ZNF397: variants seen among roughly 807,000 people sequenced by gnomAD.
ZNF397 encodes zinc finger protein 397, also known as zinc finger and SCAN domain-containing protein 15.
ZNF397 carries 38 observed loss-of-function variants against 50.6 expected under a neutral mutation model. The ratio of observed to expected loss-of-function variants is 0.75; its 90% CI spans 0.58 to 0.98. The LOEUF (loss-of-function observed/expected upper bound fraction) is 0.98, where lower values mean the gene tolerates loss of function less well. ZNF397 is among the 50% of genes least tolerant of loss of function. The probability of loss-of-function intolerance (pLI) is 0.00; values close to 1 mark genes in which losing one functional copy is unlikely to be tolerated. For missense variants in ZNF397, 624 were observed against 624.1 expected (o/e 1.00, Z 0.00); for synonymous variants, 228 against 215.2 (o/e 1.06, Z -0.52).
At chr18:35,257,343 A>G (rs142793745) in intron 5 of ZNF397, 1 of 152,876 alleles carries the variant, frequency 6.5e-6, no homozygotes, top group African/African-American at 2.4e-5. Context: ...GGCTCCTCCA[A>G]TGATGTGAAT....
At chr18:35,258,011 G>A (rs2043899026) in exon 6 of ZNF397, 1 of 780,796 alleles carries the variant, frequency 1.3e-6, no homozygotes, top group South Asian at 1.3e-5. Context: ...GGCATATCAT[G>A]AGGCTAGTGA....
rs2043496097 is a variant in ZNF397, at chr18:35,247,180, C to T, written c.*870C>T. The T allele has an allele frequency of 5.1e-6, 5 of 985,420 alleles. No individual in the cohort carries two copies. The highest frequency in any genetic ancestry group is 6.0e-6 in the Non-Finnish European group (5 of 829,958). The allele number at this position is 985,420 out of a possible 1,614,324, so 61.0% of individuals were successfully genotyped here. On this transcript the variant is annotated 3_prime_UTR_variant, in exon 4 of 4. Transcript: ENST00000330501. ...TCTGTCAGAGAAGTCTGGGTCTGGCCAGACTCTTAAGCAGTGCCAATGGAG... is the reference window on the plus strand; with the variant it reads ...TCTGTCAGAGAAGTCTGGGTCTGGCTAGACTCTTAAGCAGTGCCAATGGAG...
chr18:35,243,614 A>G (rs768071908), intron 3 of ZNF397: 6 of 584,816 alleles, frequency 1.0e-5, no homozygotes, highest in Middle Eastern at 2.6e-4. Flanking sequence ...GGCAGTTGCA[A>G]TGTAGTAAAT....
downstream of ZNF397, chr18:35,254,221 T>C: frequency 6.2e-7 from 1 of 1,614,170 alleles, no homozygotes; most frequent in Non-Finnish European, 8.5e-7. Flanking sequence ...CATTTCCCTT[T>C]TGCTTCTTAG....
chr18:35,242,929 G>A (rs1569042084), intron 2 of ZNF397, 45 bp downstream of exon 2: 1 of 1,559,010 alleles, frequency 6.4e-7, no homozygotes, highest in Non-Finnish European at 8.7e-7. Context: ...TTTACAGCCT[G>A]GAGCATGTAA....
intron 5 of ZNF397, chr18:35,257,572 A>G (rs112192225): frequency 3.7e-6 from 1 of 271,078 alleles, no homozygotes; most frequent in Admixed American, 4.9e-5. Flanking sequence ...ATCTGCTAGC[A>G]CCTTGAACTT....
rs16958811 is a variant in ZNF397 at position 35,242,353 on chromosome 18, A to G, written c.-80-38A>G. The G allele has an allele frequency of 6.9e-3, 6,686 of 968,666 alleles. 303 individuals carry two copies. The African/African-American group carries it at 0.098, about 14-fold the overall frequency. The allele number at this position is 968,666 out of a possible 1,614,324, so 60.0% of individuals were successfully genotyped here. On this transcript the variant is annotated intron_variant, in intron 1 of 3. Coordinates refer to ENST00000330501, the MANE Select transcript of ZNF397 (RefSeq NM_001135178.3). ...CTTATTACAAGTACTTAGAGATTTT[A>G]TTGATTGCTGTAAGTTAACTGCTTT... is the stretch of plus-strand genomic sequence containing the variant.
At chr18:35,254,829 T>C (rs2043740263) in intron 5 of ZNF397, 1 of 197,752 alleles carries the variant, frequency 5.1e-6, no homozygotes, top group Admixed American at 5.3e-5. Context: ...GAAGATATGA[T>C]TAGGAAATGC....
At position 35,247,828 on chromosome 18, in the gene ZNF397, A is replaced by G. The variant is rs961292840; in HGVS notation, c.*1518A>G. ...TGGGATTACAGGCATGCACCACCAC[A>G]GCTGGCTAATTTTGTATTTTTAGGA... On this transcript the variant is annotated 3_prime_UTR_variant, in exon 4 of 4. Coordinates refer to ENST00000330501, the MANE Select transcript of ZNF397 (RefSeq NM_001135178.3). 6.6e-6 allele frequency: 1 copy of G among 151,888 alleles called. No homozygotes were observed. The highest frequency in any genetic ancestry group is 2.4e-5 in the African/African-American group (1 of 41,324). The allele number at this position is 151,888 out of a possible 1,614,324, so 9.4% of individuals were successfully genotyped here. A position where few individuals can be genotyped will look rare whatever the true frequency, so the allele number is the denominator to read the frequency against.
rs565718180 is a variant in ZNF397 at position 35,256,386 on chromosome 18, C to T, written c.818-1542C>T. On this transcript the variant is annotated intron_variant, in intron 5 of 5. Transcript: ENST00000261333. ...ACCAACTTGGCCAACATGGCAAAACCCCATCTCTACTAAAAGTATAAAAAA... is the reference window on the plus strand; with the variant it reads ...ACCAACTTGGCCAACATGGCAAAACTCCATCTCTACTAAAAGTATAAAAAA... 4 of 152,038 alleles carry T rather than the reference C, an allele frequency of 2.6e-5. No individual in the cohort carries two copies. The East Asian group carries it at 7.7e-4, about 29-fold the overall frequency. The allele number at this position is 152,038 out of a possible 1,614,324, so 9.4% of individuals were successfully genotyped here.
At position 35,246,429 on chromosome 18, in the gene ZNF397, G is replaced by C. The variant is rs2043483678; in HGVS notation, c.*119G>C. Reference sequence around the variant, plus strand: ...TATAAAATACTAGGTCTTGAGTCTAGCTTGCTTTGTGCAGCATTTCCCAGT... The same window carrying C: ...TATAAAATACTAGGTCTTGAGTCTACCTTGCTTTGTGCAGCATTTCCCAGT... On this transcript the variant is annotated 3_prime_UTR_variant, in exon 4 of 4. Transcript: ENST00000330501. 1 of 1,448,962 alleles carries C rather than the reference G, an allele frequency of 6.9e-7. No individual in the cohort carries two copies. The highest frequency in any genetic ancestry group is 9.1e-7 in the Non-Finnish European group (1 of 1,103,112). The allele number at this position is 1,448,962 out of a possible 1,614,324, so 89.8% of individuals were successfully genotyped here.
At chr18:35,254,126 T>G, downstream of ZNF397, 1 of 1,614,166 alleles carries the variant, frequency 6.2e-7, no homozygotes, top group Non-Finnish European at 8.5e-7. Context: ...AAGGACACTG[T>G]GTTCTGTGGG....
rs951618460 is a variant in ZNF397 at position 35,246,194 on chromosome 18, G to T, written c.1489G>T (p.Val497Phe). 3.2e-6 allele frequency: 5 copies of T among 1,551,918 alleles called. No homozygotes were observed. The Admixed American group carries it at 9.8e-5, about 30-fold the overall frequency. The change falls in exon 4 of 4, where the codon GTT becomes TTT. Residue 497 changes from valine to phenylalanine, a missense_variant. Physicochemically the swap from Val to Phe is conservative, Grantham distance 50. Coordinates refer to ENST00000330501, the MANE Select transcript of ZNF397 (RefSeq NM_001135178.3). ...AACTTTCAAAAGGAGCTCAGCCCTT[G>T]TTCAGCATCAGAGAATTCATTCTGG... ...GKTFKRSSAL[V>F]QHQRIHSGDE...
rs772655713 is a variant in ZNF397, at chr18:35,242,477, G to A, written c.7G>A (p.Val3Met). The A allele has an allele frequency of 1.9e-6, 3 of 1,610,956 alleles. No homozygotes were observed. The highest frequency in any genetic ancestry group is 1.7e-4 in the Middle Eastern group (1 of 6,042). ...TAAGCTGTTTCAGCCAAGAATGGCTGTGGAATCTGGAGTGATTTCAACCCT... is the reference window on the plus strand; with the variant it reads ...TAAGCTGTTTCAGCCAAGAATGGCTATGGAATCTGGAGTGATTTCAACCCT... MAVESGVISTLIP... is the reference protein window; with the variant it reads MAMESGVISTLIP... Residue 3 changes from valine to methionine, a missense_variant, in exon 2 of 4, where the codon GTG (valine) becomes ATG (methionine). Transcript: ENST00000330501.
At chr18:35,253,767 A>G, downstream of ZNF397, 1 of 1,614,134 alleles carries the variant, frequency 6.2e-7, no homozygotes, top group Non-Finnish European at 8.5e-7. Context: ...GCCTTCCCAC[A>G]TTCTCCACAT....
At chr18:35,253,836 T>TG, downstream of ZNF397, 1 of 1,614,214 alleles carries the variant, frequency 6.2e-7, no homozygotes, top group South Asian at 1.1e-5. Context: ...GAACTGCCCC[T>TG]GAAGGCTTTT....
chr18:35,253,342 GAGGGA>G (rs1368112911), downstream of ZNF397: 1 of 824,356 alleles, frequency 1.2e-6, no homozygotes, highest in African/African-American at 1.7e-5. Context: ...ACCGAACTGG[GAGGGA>G]AGGACAGAAG....
chr18:35,241,562 T>C (rs1198299220), intron 1 of ZNF397: 1 of 152,260 alleles, frequency 6.6e-6, no homozygotes, highest in African/African-American at 2.4e-5. Context: ...CAACATTTAA[T>C]ACCTATTTGT....
downstream of ZNF397, among the ~76,000 whole-genome samples, chr18:35,254,782 T>TATCTAAGATAGAAGAC (rs2043738349): frequency 6.6e-6 from 1 of 151,624 alleles, no homozygotes; most frequent in Non-Finnish European, 1.5e-5. Context: ...TATCTAAGAG[T>TATCTAAGATAGAAGAC]CTTAAATCTG....
Sources: gnomAD v4.1 joint callset for allele counts (sites outside exome capture counted in the v4.1 genomes callset) on GRCh38, gnomAD v4.1.1 for gene constraint, MANE v1.5 for transcripts, NCBI Gene and HGNC (gene_info 2026-07-23, HGNC 2026-07-21) for gene names.